Variants in BRD1 observed in about 807,000 individuals in gnomAD.
BRD1 encodes bromodomain-containing protein 1.
BRD1 carries 24 observed loss-of-function variants against 107.7 expected under a neutral mutation model. The ratio of observed to expected loss-of-function variants is 0.22; its 90% CI spans 0.16 to 0.31. BRD1 has a LOEUF of 0.31. Ranked by LOEUF, BRD1 falls within the 10% of genes least tolerant of loss-of-function variation. The pLI is 1.00. For synonymous variants in BRD1, 744 were observed against 686.1 expected (o/e 1.08, Z -1.32); for missense variants, 1,279 against 1,638.6 (o/e 0.78, Z 3.79).
intron 1 of BRD1, chr22:49,825,704 A>C (rs1375851761): frequency 2.0e-5 from 3 of 152,222 alleles, no homozygotes; most frequent in Non-Finnish European, 2.9e-5. Context: ...GCCCAGGGGG[A>C]TCAGGGGCAC....
chr22:49,795,588 A>G (rs1210169043), intron 6 of BRD1, among the ~76,000 whole-genome samples: 3 of 152,222 alleles, frequency 2.0e-5, no homozygotes, highest in African/African-American at 7.2e-5. Flanking sequence ...GCAGGGCCCT[A>G]GGGGCAAAGG....
intron 2 of BRD1, among the ~76,000 whole-genome samples, chr22:49,812,760 G>A (rs752023158): frequency 8.5e-5 from 13 of 152,118 alleles, no homozygotes; most frequent in Non-Finnish European, 1.8e-4. Flanking sequence ...GTACACAGAC[G>A]AACCAAGGAC....
intron 3 of BRD1, among the ~76,000 whole-genome samples, chr22:49,802,926 G>A (rs1387391756): frequency 1.3e-5 from 2 of 152,244 alleles, no homozygotes; most frequent in Non-Finnish European, 2.9e-5. Flanking sequence ...CTGTGGACAC[G>A]TGAGGATCTC....
intron 8 of BRD1, among the ~76,000 whole-genome samples, chr22:49,782,093 G>GC (rs1462727186): frequency 1.3e-5 from 2 of 150,958 alleles, no homozygotes; most frequent in South Asian, 4.2e-4. Context: ...TGACAATGCA[G>GC]CTGGGACGGT....
rs2060114010 is a variant in BRD1, at chr22:49,823,881, G to A, written c.437C>T (p.Ser146Leu). 2.5e-6 allele frequency: 4 copies of A among 1,614,156 alleles called. No homozygotes were observed. Among genetic ancestry groups the A allele is most frequent in the Non-Finnish European group, 3.4e-6 (4 of 1,180,034 alleles). Residue 146 changes from serine (S) to leucine (L), a missense_variant, in exon 2 of 13, where the codon TCG (serine) becomes TTG (leucine). By Grantham distance (145) the Ser-to-Leu change is moderately radical (BLOSUM62 -2). Around this residue, in one of 7 missense-constraint regions of BRD1, gnomAD observed 223 missense variants for 263.5 expected, o/e 0.85. Coordinates refer to ENST00000404760, the MANE Select transcript of BRD1 (RefSeq NM_001304808.3). ...CACCTCGTTGTCCAGTTCCTCGGCC[G>A]ACTTCTCGATGAACTTGTAGTACAC... is the stretch of plus-strand genomic sequence containing the variant. ...PPVYYKFIEK[S>L]AEELDNEVEY...
At chr22:49,775,815 A>AGCTGTGTGAGCCTCCTCAGAT in intron 11 of BRD1, 70 bp from the exon 12 acceptor site, 1 of 1,141,502 alleles carries the variant, frequency 8.8e-7, no homozygotes, top group South Asian at 1.9e-5. Flanking sequence ...TGTCACTGGC[A>AGCTGTGTGAGCCTCCTCAGAT]CCCCCCCCCG....
chr22:49,827,542 G>A lies in BRD1; in HGVS notation c.-60C>T, dbSNP rs1388719602. 6.9e-6 allele frequency: 1 copy of A among 144,270 alleles called. No homozygotes were observed. Among genetic ancestry groups the A allele is most frequent in the Admixed American group, 6.9e-5 (1 of 14,588 alleles). The allele number at this position is 144,270 out of a possible 1,614,324, so 8.9% of individuals were successfully genotyped here. A position where few individuals can be genotyped will look rare whatever the true frequency, so the allele number is the denominator to read the frequency against. Reference sequence around the variant, plus strand: ...GGGAGCCCGGCAAGCGGGCGGGCGCGGGGGCCGGCGCGGCCGAGGCGGTGC... The same window carrying A: ...GGGAGCCCGGCAAGCGGGCGGGCGCAGGGGCCGGCGCGGCCGAGGCGGTGC... On this transcript the variant is annotated 5_prime_UTR_variant, in exon 1 of 13. Transcript: ENST00000404760.
chr22:49,808,862 T>C (rs1651697856), intron 2 of BRD1, among the ~76,000 whole-genome samples: 1 of 152,222 alleles, frequency 6.6e-6, no homozygotes, highest in South Asian at 2.1e-4. Context: ...CTTCCGCCTG[T>C]AATCCCAGCA....
chr22:49,787,742 A>T lies in BRD1; in HGVS notation c.2505T>A (p.Asn835Lys), dbSNP rs976306687. The change falls in exon 8 of 13, where the codon AAT becomes AAA. Residue 835 changes from asparagine to lysine, a missense_variant. Asn to Lys is a moderately conservative substitution (Grantham distance 94, BLOSUM62 0). Around this residue, in one of 7 missense-constraint regions of BRD1, gnomAD observed 406 missense variants for 519.4 expected, o/e 0.78. Transcript: ENST00000404760. ...TCTGAGTGCAAGCGCTATGTGATTC[A>T]TTATCAAATGTGACTCTTTTGAAAA... is the stretch of plus-strand genomic sequence containing the variant. The part of the protein sequence containing the change: ...SKLFKRVTFD[N>K]ESHSACTQSA... 1.3e-6 allele frequency: 2 copies of T among 1,550,820 alleles called. No homozygotes were observed. Among genetic ancestry groups the T allele is most frequent in the Non-Finnish European group, 1.7e-6 (2 of 1,147,052 alleles).
intron 2 of BRD1, chr22:49,817,631 C>G (rs1239637911): frequency 4.4e-6 from 1 of 225,498 alleles, no homozygotes. Context: ...GTAGGCTCAC[C>G]ACTAACAAAG....
chr22:49,792,708 GAAC>G lies in BRD1; in HGVS notation c.2359+1323_2359+1325del, dbSNP rs2059457830. ...AACTAAACAGAAGAATCCCAGAACA[GAAC>G]AACAAACAGGCACAAAATGAGCAAA... On this transcript the variant is annotated intron_variant, in intron 7 of 12. Transcript: ENST00000404760. The surrounding 1 kb of genome is among the most constrained non-coding windows in gnomAD (Gnocchi z 4.2). 6.6e-6 allele frequency among the ~76,000 whole-genome samples: 1 copy of G among 152,198 alleles called. No individual in the cohort carries two copies. Among genetic ancestry groups the G allele is most frequent in the Admixed American group, 6.5e-5 (1 of 15,286 alleles).
intron 3 of BRD1, among the ~76,000 whole-genome samples, chr22:49,799,953 A>G (rs1245996801): frequency 4.6e-5 from 7 of 152,174 alleles, no homozygotes; most frequent in Admixed American, 3.9e-4. Flanking sequence ...AGAGGAAGTC[A>G]ACGAGGGAGT....
intron 2 of BRD1, among the ~76,000 whole-genome samples, chr22:49,813,747 T>C (rs572559307): frequency 6.6e-6 from 1 of 151,730 alleles, no homozygotes; most frequent in Admixed American, 6.6e-5. Flanking sequence ...CAGAATCGCT[T>C]GAGCCCAGGA....
intron 2 of BRD1, among the ~76,000 whole-genome samples, chr22:49,821,878 T>G (rs2060073631): frequency 6.6e-6 from 1 of 152,202 alleles, no homozygotes; most frequent in African/African-American, 2.4e-5. Context: ...CCAGGCTGGC[T>G]CTACCCGCCC....
In BRD1 at chr22:49,794,010, G is replaced by A. The variant is rs750022573; in HGVS notation, c.2359+24C>T. 124 of 1,597,012 alleles carry A rather than the reference G, an allele frequency of 7.8e-5. 1 individual carries two copies. The East Asian group carries it at 2.5e-3, about 33-fold the overall frequency. ...GCCTGAGCCGTGACGGCAAGAAAGC[G>A]GGGCAGCCCTCACCGTGGCTTACCT... On this transcript the variant is annotated intron_variant, in intron 7 of 12. Coordinates refer to ENST00000404760, the MANE Select transcript of BRD1 (RefSeq NM_001304808.3).
chr22:49,794,191 G>A lies in BRD1; in HGVS notation c.2202C>T (p.Ser734=), dbSNP rs757367401. The A allele has an allele frequency of 6.8e-6, 11 of 1,614,208 alleles. No homozygotes were observed. In the East Asian group the frequency reaches 1.3e-4, roughly 20 times the overall value. Reference sequence around the variant, plus strand: ...GCTTTGCCCGCTTGCTCCGGGAGCCGCTGGACTTCATAGCGCAGGTGAGGT... The same window carrying A: ...GCTTTGCCCGCTTGCTCCGGGAGCCACTGGACTTCATAGCGCAGGTGAGGT... The part of the protein sequence containing the change: ...MLDLTCAMKS[S]GSRSKRAKLL... The change falls in exon 7 of 13, where the codon AGC becomes AGT. Residue 734 remains serine (S), a synonymous_variant. Coordinates refer to ENST00000404760, the MANE Select transcript of BRD1 (RefSeq NM_001304808.3).
chr22:49,788,789 C>CATAA (rs1170711414), intron 7 of BRD1, among the ~76,000 whole-genome samples: 3 of 152,174 alleles, frequency 2.0e-5, no homozygotes, highest in Non-Finnish European at 4.4e-5. Flanking sequence ...GGAAGTGTGA[C>CATAA]ATAAAACCAA....
chr22:49,775,408 C>T (rs1011872799), intron 12 of BRD1, 183 bp downstream of exon 12: 19 of 525,786 alleles, frequency 3.6e-5, no homozygotes, highest in Non-Finnish European at 5.5e-5. Flanking sequence ...CCCACAGTCC[C>T]GGCGAGGGGG....
intron 2 of BRD1, among the ~76,000 whole-genome samples, chr22:49,810,972 T>C (rs1399516142): frequency 6.6e-6 from 1 of 152,068 alleles, no homozygotes. Flanking sequence ...TTGTTCATAA[T>C]AGCTCCAAAG....
Sources: gnomAD v4.1 joint callset for allele counts (sites outside exome capture counted in the v4.1 genomes callset) on GRCh38, gnomAD v4.1.1 for gene constraint, gnomAD v4.1.1 regional missense constraint, Gnocchi (gnomAD v3.1) non-coding constraint, MANE v1.5 for transcripts, NCBI Gene and HGNC (gene_info 2026-07-23, HGNC 2026-07-21) for gene names.